GK5: variants seen among roughly 807,000 people sequenced by gnomAD.
GK5 encodes ATP:glycerol 3-phosphotransferase 5.
GK5 carries 39 observed loss-of-function variants against 77.3 expected under a neutral mutation model. The ratio of observed to expected loss-of-function variants is 0.50; its 90% CI spans 0.39 to 0.66. The LOEUF is 0.66. GK5 is among the 30% of genes least tolerant of loss of function. The probability of loss-of-function intolerance (pLI) is 0.00; values close to 1 mark genes in which losing one functional copy is unlikely to be tolerated. For missense variants in GK5, 487 were observed against 633.8 expected (o/e 0.77, Z 2.49); for synonymous variants, 211 against 208.0 (o/e 1.01, Z -0.13).
chr3:142,171,428 CT>C lies in GK5; in HGVS notation c.1297del (p.Arg433GlufsTer18). 1 of 1,477,744 alleles carries C rather than the reference CT, an allele frequency of 6.8e-7. No homozygotes were observed. The allele number at this position is 1,477,744 out of a possible 1,614,324, so 91.5% of individuals were successfully genotyped here. On this transcript the variant is annotated frameshift_variant, in exon 14 of 16. Coordinates refer to ENST00000392993, the MANE Select transcript of GK5 (RefSeq NM_001039547.3). LOFTEE classifies it high-confidence loss of function. ...MMKKEIHIPVRKIRADGGVCK... is the reference protein window; with the variant it reads ...MMKKEIHIPVXKIRADGGVCK... ...AATAAACTTTACATACCGGATTTTT[CT>C]TACAGGAATATGAATCTCTTTCTTC...
At chr3:142,221,839 T>C (rs552206874) in intron 1 of GK5, among the ~76,000 whole-genome samples, 3 of 152,284 alleles carry the variant, frequency 2.0e-5, no homozygotes, top group Admixed American at 2.0e-4. Flanking sequence ...AGAAAAAAGC[T>C]AAAAATGTAT....
chr3:142,173,209 A>G, intron 12 of GK5: 1 of 446,858 alleles, frequency 2.2e-6, no homozygotes, highest in South Asian at 1.6e-5. Flanking sequence ...TAAAAAAAAA[A>G]AAAAAACACC....
intron 15 of GK5, among the ~76,000 whole-genome samples, chr3:142,167,738 G>T (rs1031669407): frequency 1.3e-5 from 2 of 152,156 alleles, no homozygotes; most frequent in Non-Finnish European, 2.9e-5. Flanking sequence ...GGGGCTGGGC[G>T]CAGAGGCTCA....
In GK5 at chr3:142,172,347, T is replaced by C; in HGVS notation, c.1247+6A>G. ...GGAAGGGGAAGTTTAGGGCAGGTTT[T>C]CATACCTGAAAGCTATTGACTCCAA... is the stretch of plus-strand genomic sequence containing the variant. On this transcript the variant is annotated splice_donor_region_variant and intron_variant, in intron 13 of 15. Coordinates refer to ENST00000392993, the MANE Select transcript of GK5 (RefSeq NM_001039547.3). The C allele has an allele frequency of 6.7e-7, 1 of 1,494,972 alleles. No individual in the cohort carries two copies. Among genetic ancestry groups the C allele is most frequent in the Non-Finnish European group, 9.3e-7 (1 of 1,080,914 alleles). 92.6% of individuals were successfully genotyped at this position (1,494,972 alleles called of 1,614,324 possible).
At chr3:142,197,887 G>C (rs1242549708) in intron 5 of GK5, among the ~76,000 whole-genome samples, 2 of 152,178 alleles carry the variant, frequency 1.3e-5, no homozygotes, top group African/African-American at 4.8e-5. Context: ...GCTGGGCATG[G>C]TGGCATGCGC....
intron 3 of GK5, among the ~76,000 whole-genome samples, chr3:142,210,172 A>G (rs1020562174): frequency 2.0e-5 from 3 of 152,172 alleles, no homozygotes; most frequent in African/African-American, 7.2e-5. Flanking sequence ...AAACAAAAAG[A>G]AAGTTCAAAG....
intron 6 of GK5, 25 bp downstream of exon 6, chr3:142,187,679 A>C: frequency 6.5e-7 from 1 of 1,527,160 alleles, no homozygotes; most frequent in Non-Finnish European, 9.0e-7. Flanking sequence ...GGTTATTTAA[A>C]ATAGATCTTT....
At chr3:142,184,910 C>T in intron 9 of GK5, 1 of 985,432 alleles carries the variant, frequency 1.0e-6, no homozygotes, top group Non-Finnish European at 1.2e-6. Flanking sequence ...CTCTTCCAGC[C>T]ATACCTTAAT....
chr3:142,194,174 C>T (rs2063897110), intron 5 of GK5, among the ~76,000 whole-genome samples: 1 of 152,114 alleles, frequency 6.6e-6, no homozygotes, highest in South Asian at 2.1e-4. Flanking sequence ...TACTTGAGCC[C>T]AGGAGTTCAA....
At position 142,181,462 on chromosome 3, in the gene GK5, T is replaced by C. The variant is rs1184262489; in HGVS notation, c.1047A>G (p.Leu349=). Residue 349 remains leucine, a splice_region_variant and synonymous_variant, in exon 11 of 16, where the codon TTA becomes TTG. Coordinates refer to ENST00000392993, the MANE Select transcript of GK5 (RefSeq NM_001039547.3). ...AAATCCATTTAAAAGACAACTTACC[T>C]AACTGCTGAGCCCATTTTATGGCAG... ...TGTAIKWAQQ[L]DLFTDAAETE... 1.3e-6 allele frequency: 2 copies of C among 1,594,158 alleles called. No individual in the cohort carries two copies. The highest frequency in any genetic ancestry group is 1.7e-6 in the Non-Finnish European group (2 of 1,165,878).
In GK5 at chr3:142,182,912, T is replaced by C. The variant is rs917335219; in HGVS notation, c.943+11A>G. ...TTTTATTAATAAATAGGATAAATCC[T>C]AACTACTTACCTCCAGTAGTCTGTT... On this transcript the variant is annotated intron_variant, in intron 10 of 15. Coordinates refer to ENST00000392993, the MANE Select transcript of GK5 (RefSeq NM_001039547.3). 9 of 1,589,680 alleles carry C rather than the reference T, an allele frequency of 5.7e-6. No individual in the cohort carries two copies. The highest frequency in any genetic ancestry group is 1.7e-4 in the Middle Eastern group (1 of 6,018).
At chr3:142,174,914 T>C (rs2063587848) in intron 12 of GK5, among the ~76,000 whole-genome samples, 1 of 152,210 alleles carries the variant, frequency 6.6e-6, no homozygotes, top group African/African-American at 2.4e-5. Context: ...GAAGGTTGTA[T>C]GTGATATTTC....
At chr3:142,221,003 T>C (rs2064339117) in intron 1 of GK5, among the ~76,000 whole-genome samples, 1 of 152,124 alleles carries the variant, frequency 6.6e-6, no homozygotes, top group Non-Finnish European at 1.5e-5. Context: ...TACTTGCAAA[T>C]GACAGATATA....
intron 12 of GK5, among the ~76,000 whole-genome samples, chr3:142,176,567 T>C (rs1224822031): frequency 6.6e-6 from 1 of 151,754 alleles, no homozygotes; most frequent in Non-Finnish European, 1.5e-5. Context: ...CAAAGTTAAA[T>C]GTTACAAAAT....
chr3:142,183,215 A>G (rs2063720910), intron 9 of GK5, 166 bp from the exon 10 acceptor site: 1 of 583,752 alleles, frequency 1.7e-6, no homozygotes, highest in Non-Finnish European at 3.0e-6. Flanking sequence ...AGCAACAACC[A>G]TAGGATAGGA....
intron 9 of GK5, 158 bp from the exon 10 acceptor site, chr3:142,183,207 C>T (rs1325387380): frequency 4.9e-6 from 3 of 610,760 alleles, no homozygotes; most frequent in Non-Finnish European, 8.3e-6. Context: ...GAATAGGGAG[C>T]AACAACCATA....
intron 10 of GK5, among the ~76,000 whole-genome samples, chr3:142,182,582 A>AG (rs761372331): frequency 3.7e-4 from 56 of 151,978 alleles, no homozygotes; most frequent in Non-Finnish European, 6.5e-4. Flanking sequence ...CTCCTGACCT[A>AG]GGGTGATCTG....
rs2063418248 is a variant in GK5, at chr3:142,160,565, T to C, written c.*5057A>G. Reference sequence around the variant, plus strand: ...TATAGCACCAGAGTGTTTCGCACTCTTAAAATTCAATCTGTTAGTCATCTG... The same window carrying C: ...TATAGCACCAGAGTGTTTCGCACTCCTAAAATTCAATCTGTTAGTCATCTG... On this transcript the variant is annotated 3_prime_UTR_variant, in exon 16 of 16. Coordinates refer to ENST00000392993, the MANE Select transcript of GK5 (RefSeq NM_001039547.3). 1 of 152,248 alleles carries C rather than the reference T, an allele frequency of 6.6e-6. No homozygotes were observed. Among genetic ancestry groups the C allele is most frequent in the South Asian group, 2.1e-4 (1 of 4,836 alleles). 9.4% of individuals were successfully genotyped at this position (152,248 alleles called of 1,614,324 possible).
At chr3:142,216,032 G>A (rs531281894) in intron 1 of GK5, among the ~76,000 whole-genome samples, 1 of 152,242 alleles carries the variant, frequency 6.6e-6, no homozygotes, top group South Asian at 2.1e-4. Context: ...TTCAGACCAC[G>A]ATAGAGTAAG....
Sources: allele counts gnomAD v4.1 joint callset (sites outside exome capture counted in the v4.1 genomes callset), GRCh38; gene constraint gnomAD v4.1.1; transcripts MANE v1.5; gene names NCBI Gene and HGNC (gene_info 2026-07-23, HGNC 2026-07-21).